TMEM132B: variants seen among roughly 807,000 people sequenced by gnomAD.
TMEM132B encodes transmembrane protein 132B.
In TMEM132B, 18 loss-of-function variants were observed where a neutral mutation model predicts 90.8. That is an observed-to-expected ratio of 0.20 (90% CI 0.14 to 0.29). TMEM132B has a LOEUF of 0.29. Ranked by LOEUF, TMEM132B falls within the 10% of genes least tolerant of loss-of-function variation. TMEM132B has a pLI of 1.00. For missense variants in TMEM132B, 1,096 were observed against 1,326.8 expected, an observed-to-expected ratio of 0.83 and a Z score of 2.70; for synonymous variants, 504 against 523.3, an observed-to-expected ratio of 0.96 and a Z score of 0.50.
rs773088690 is a variant in TMEM132B, at chr12:125,650,862, C to T, written c.1823C>T (p.Thr608Ile). The change falls in exon 7 of 9, where the codon ACC becomes ATC. Residue 608 changes from threonine (T) to isoleucine (I), a missense_variant. Thr to Ile is a moderately conservative substitution (Grantham distance 89). Transcript: ENST00000682704. Reference sequence around the variant, plus strand: ...CAGTTTGACATCACTGACCTTGTGACCGAGTTCATGAAGGTGGAGGAGCCG... The same window carrying T: ...CAGTTTGACATCACTGACCTTGTGATCGAGTTCATGAAGGTGGAGGAGCCG... ...DWQFDITDLVTEFMKVEEPKI... is the reference protein window; with the variant it reads ...DWQFDITDLVIEFMKVEEPKI... 2.4e-5 allele frequency: 39 copies of T among 1,613,984 alleles called. No homozygotes were observed. In the South Asian group the frequency reaches 4.3e-4, roughly 18 times the overall value.
At chr12:125,511,895 A>G (rs1057030863) in intron 3 of TMEM132B, among the ~76,000 whole-genome samples, 1 of 151,806 alleles carries the variant, frequency 6.6e-6, no homozygotes, top group Non-Finnish European at 1.5e-5. Context: ...CCAAATTCCA[A>G]ATTTCCTAGC....
At chr12:125,475,993 C>T (rs556502570) in intron 3 of TMEM132B, among the ~76,000 whole-genome samples, 185 of 152,128 alleles carry the variant, frequency 1.2e-3, no homozygotes, top group African/African-American at 4.4e-3. Flanking sequence ...GGATGTGTAA[C>T]CCTGCTTTCT....
At chr12:125,260,222 C>G (rs926639563) in intron 1 of TMEM132B, among the ~76,000 whole-genome samples, 2 of 152,202 alleles carry the variant, frequency 1.3e-5, no homozygotes, top group Non-Finnish European at 2.9e-5. Flanking sequence ...TCCTGTCTTG[C>G]GCTAGAGCTT....
At chr12:125,491,695 C>A (rs1329582184) in intron 3 of TMEM132B, among the ~76,000 whole-genome samples, 2 of 152,208 alleles carry the variant, frequency 1.3e-5, no homozygotes, top group African/African-American at 4.8e-5. Flanking sequence ...CCCATGTGAG[C>A]CTAATTGAGC....
At chr12:125,650,388 T>C (rs568606926) in intron 6 of TMEM132B, among the ~76,000 whole-genome samples, 29 of 152,112 alleles carry the variant, frequency 1.9e-4, no homozygotes, top group Non-Finnish European at 3.4e-4. Flanking sequence ...AGGGGAATGA[T>C]TTTAAAATTA....
At chr12:125,505,053 T>C (rs1473085041) in intron 3 of TMEM132B, among the ~76,000 whole-genome samples, 2 of 151,512 alleles carry the variant, frequency 1.3e-5, no homozygotes, top group African/African-American at 4.9e-5. Flanking sequence ...TCTTCAGACA[T>C]GTGTAATAGA....
intron 3 of TMEM132B, among the ~76,000 whole-genome samples, chr12:125,430,499 G>A (rs73410378): frequency 0.019 from 2,830 of 152,278 alleles, 92 homozygotes; most frequent in African/African-American, 0.064. Context: ...AGTGACTTGG[G>A]GAAGGACTTT....
intron 3 of TMEM132B, among the ~76,000 whole-genome samples, chr12:125,478,919 G>GA (rs1236451356): frequency 1.3e-5 from 2 of 152,224 alleles, no homozygotes; most frequent in African/African-American, 4.8e-5. Context: ...TCTCTCGGCA[G>GA]AAACCCTACA....
chr12:125,600,953 C>A (rs1023517644), intron 5 of TMEM132B, among the ~76,000 whole-genome samples: 3 of 152,124 alleles, frequency 2.0e-5, no homozygotes, highest in Admixed American at 2.0e-4. Context: ...TACAGGAGCA[C>A]CCAGATTCAT....
intron 2 of TMEM132B, among the ~76,000 whole-genome samples, chr12:125,397,708 C>A (rs911382702): frequency 6.6e-6 from 1 of 152,186 alleles, no homozygotes. Flanking sequence ...GAAGAGAAGA[C>A]TTTCTGCATT....
At chr12:125,260,277 C>T (rs1874533671) in intron 1 of TMEM132B, among the ~76,000 whole-genome samples, 1 of 152,228 alleles carries the variant, frequency 6.6e-6, no homozygotes, top group Admixed American at 6.5e-5. Flanking sequence ...TACATCACTA[C>T]TTGAAATAGT....
chr12:125,467,743 C>T (rs1242286531), intron 3 of TMEM132B, among the ~76,000 whole-genome samples: 1 of 152,164 alleles, frequency 6.6e-6, no homozygotes, highest in South Asian at 2.1e-4. Flanking sequence ...CACCTATATC[C>T]AGTAAGTAAT....
intron 5 of TMEM132B, among the ~76,000 whole-genome samples, chr12:125,635,302 C>A (rs1290677958): frequency 6.6e-6 from 1 of 152,018 alleles, no homozygotes; most frequent in African/African-American, 2.4e-5. Flanking sequence ...CTAGCCCCCA[C>A]CCCCAACAGG....
At chr12:125,428,302 CTCTT>C (rs1880389375) in intron 3 of TMEM132B, among the ~76,000 whole-genome samples, 2 of 28,278 alleles carry the variant, frequency 7.1e-5, no homozygotes, top group African/African-American at 1.1e-4. Context: ...CTGTAAATGA[CTCTT>C]TATTTGGCCT....
intron 4 of TMEM132B, among the ~76,000 whole-genome samples, chr12:125,534,647 G>A (rs1883748497): frequency 6.6e-6 from 1 of 151,436 alleles, no homozygotes. Flanking sequence ...AGTGATTAGA[G>A]TCATTATTTT....
chr12:125,429,174 T>C (rs1181260399), intron 3 of TMEM132B, among the ~76,000 whole-genome samples: 1 of 151,978 alleles, frequency 6.6e-6, no homozygotes, highest in Non-Finnish European at 1.5e-5. Flanking sequence ...TTTATTCAAA[T>C]TTCCTTAATT....
chr12:125,640,571 C>A (rs183113361), intron 5 of TMEM132B, among the ~76,000 whole-genome samples: 1 of 152,182 alleles, frequency 6.6e-6, no homozygotes, highest in East Asian at 1.9e-4. Flanking sequence ...CTGGTAGGCC[C>A]CTGTAAGGTG....
rs147072325 is a variant in TMEM132B at position 125,370,221 on chromosome 12, A to T, written c.959+19878A>T. Among the ~76,000 whole-genome samples, 58 of 152,330 alleles carry T rather than the reference A, an allele frequency of 3.8e-4. 1 individual carries two copies. The South Asian group carries it at 9.3e-3, about 25-fold the overall frequency. ...GACAGGCATCTATTTAAGGAAAGGC[A>T]GGAATGTCCACAGGTAGGTATTGGT... On this transcript the variant is annotated intron_variant, in intron 2 of 8. Transcript: ENST00000682704.
rs570653882 is a variant in TMEM132B, at chr12:125,492,459, C to T, written c.1107-26980C>T. Among the ~76,000 whole-genome samples the T allele has an allele frequency of 7.2e-5, 11 of 152,248 alleles. No individual in the cohort carries two copies. In the South Asian group the frequency reaches 1.9e-3, roughly 26 times the overall value. On this transcript the variant is annotated intron_variant, in intron 3 of 8. Coordinates refer to ENST00000682704, the MANE Select transcript of TMEM132B (RefSeq NM_001366854.1). The surrounding 1 kb of genome is among the most constrained non-coding windows in gnomAD (Gnocchi z 5.8). ...CTGCACGGCTGCTTTGCAGGGGCCC[C>T]GACTGCTCCTTCCTGGGATGTGCCG...
Sources: gnomAD v4.1 joint callset for allele counts (sites outside exome capture counted in the v4.1 genomes callset) on GRCh38, gnomAD v4.1.1 for gene constraint, Gnocchi (gnomAD v3.1) non-coding constraint, MANE v1.5 for transcripts, NCBI Gene and HGNC (gene_info 2026-07-23, HGNC 2026-07-21) for gene names.